CBFA2T2: variants seen among roughly 807,000 people sequenced by gnomAD.
The protein encoded by CBFA2T2 is CBFA2/RUNX1 partner transcriptional co-repressor 2.
In CBFA2T2, 11 loss-of-function variants were observed where a neutral mutation model predicts 62.2. That is an observed-to-expected ratio of 0.18 (90% CI 0.11 to 0.29). The LOEUF (loss-of-function observed/expected upper bound fraction) is 0.29. Ranked by LOEUF, CBFA2T2 falls within the 10% of genes least tolerant of loss-of-function variation. The pLI, the probability that CBFA2T2 is intolerant of heterozygous loss-of-function variation, is 1.00. For synonymous variants in CBFA2T2, 295 were observed against 287.5 expected (o/e 1.03, Z -0.27); for missense variants, 592 against 774.1 (o/e 0.76, Z 2.79).
At chr20:33,558,965 C>T (rs529419615) in intron 1 of CBFA2T2, among the ~76,000 whole-genome samples, 48 of 152,056 alleles carry the variant, frequency 3.2e-4, no homozygotes, top group African/African-American at 1.1e-3. Flanking sequence ...CAACACTTTT[C>T]TCCAACTATT....
At chr20:33,531,885 AAAAAG>A (rs1412688157) in intron 1 of CBFA2T2, among the ~76,000 whole-genome samples, 8 of 152,240 alleles carry the variant, frequency 5.3e-5, no homozygotes, top group African/African-American at 1.9e-4. Context: ...AGTTAAAAGG[AAAAAG>A]AAAAGTTCAA....
At chr20:33,556,607 T>A (rs949927754) in intron 1 of CBFA2T2, among the ~76,000 whole-genome samples, 1 of 151,558 alleles carries the variant, frequency 6.6e-6, no homozygotes, top group African/African-American at 2.4e-5. Context: ...TAATTTTTAA[T>A]TTTTTTTTGT....
chr20:33,497,267 C>A (rs2011209973), intron 1 of CBFA2T2, among the ~76,000 whole-genome samples: 1 of 99,440 alleles, frequency 1.0e-5, no homozygotes, highest in Middle Eastern at 8.3e-3. Flanking sequence ...GAGCGAAACC[C>A]TGTCTCCAAA....
chr20:33,529,785 C>CTT lies in CBFA2T2; in HGVS notation c.34+39496_34+39497dup, dbSNP rs202192301. 6.8e-4 allele frequency among the ~76,000 whole-genome samples: 52 copies of CTT among 76,506 alleles called. No homozygotes were observed. In the South Asian group the frequency reaches 7.8e-3, roughly 12 times the overall value. The allele number at this position is 76,506 out of a possible 152,430, so 50.2% of individuals were successfully genotyped here. On this transcript the variant is annotated intron_variant, in intron 1 of 10. Transcript: ENST00000342704. ...TATATATATATATATATATATATTTCTTTTTTTTTTTTTAATGAGATGGAG... is the reference window on the plus strand; with the variant it reads ...TATATATATATATATATATATATTTCTTTTTTTTTTTTTTTAATGAGATGGAG...
At chr20:33,642,119 TGTGTGTGTGTGTG>T (rs2016878592) in intron 10 of CBFA2T2, among the ~76,000 whole-genome samples, 2 of 28,856 alleles carry the variant, frequency 6.9e-5, no homozygotes, top group African/African-American at 1.6e-4. Flanking sequence ...TTTTTTTTTG[TGTGTGTGTGTGTG>T]TGTGTGTGTG....
intron 1 of CBFA2T2, among the ~76,000 whole-genome samples, chr20:33,601,327 C>T (rs913067438): frequency 3.9e-5 from 6 of 152,024 alleles, no homozygotes; most frequent in Non-Finnish European, 4.4e-5. Flanking sequence ...TGCAGTGGTG[C>T]GGTCTTGGCT....
At chr20:33,592,428 T>TTATATATATAATTATGTAAAAATTA (rs564676342) in intron 1 of CBFA2T2, among the ~76,000 whole-genome samples, 7 of 127,812 alleles carry the variant, frequency 5.5e-5, no homozygotes, top group African/African-American at 1.9e-4. Flanking sequence ...TATGTAAAAA[T>TTATATATATAATTATGTAAAAATTA]TATATATAAT....
chr20:33,599,855 A>C (rs1316656140), intron 1 of CBFA2T2, among the ~76,000 whole-genome samples: 3 of 152,216 alleles, frequency 2.0e-5, no homozygotes, highest in Non-Finnish European at 2.9e-5. Flanking sequence ...CAACCTCCCA[A>C]AGTGCTGGGA....
At chr20:33,500,751 A>G (rs2011265547) in intron 1 of CBFA2T2, among the ~76,000 whole-genome samples, 1 of 152,100 alleles carries the variant, frequency 6.6e-6, no homozygotes, top group Non-Finnish European at 1.5e-5. Context: ...AAGTCCAAAT[A>G]ATTGGGGTAT....
intron 1 of CBFA2T2, among the ~76,000 whole-genome samples, chr20:33,599,273 A>AC (rs1177146478): frequency 6.6e-6 from 1 of 152,126 alleles, no homozygotes; most frequent in Non-Finnish European, 1.5e-5. Context: ...AGAAAAAAAA[A>AC]ACCTGTGGCC....
rs1192782723 is a variant in CBFA2T2, at chr20:33,616,134, TGAC to T, written c.421-3382_421-3380del. On this transcript the variant is annotated intron_variant, in intron 3 of 10. Transcript: ENST00000342704. ...ATAGATAGATAGATAGATAGATAGATGACAGAGCAATACTCTGTAGATAGATAT... is the reference window on the plus strand; with the variant it reads ...ATAGATAGATAGATAGATAGATAGATAGAGCAATACTCTGTAGATAGATAT... Among the ~76,000 whole-genome samples, 4 of 150,494 alleles carry T rather than the reference TGAC, an allele frequency of 2.7e-5. No individual in the cohort carries two copies. The Admixed American group carries it at 2.7e-4, about 10-fold the overall frequency.
At chr20:33,605,214 T>G (rs2015293454) in intron 1 of CBFA2T2, among the ~76,000 whole-genome samples, 1 of 152,234 alleles carries the variant, frequency 6.6e-6, no homozygotes, top group African/African-American at 2.4e-5. Flanking sequence ...ATGTTCCTTG[T>G]TGCCAGGATC....
chr20:33,508,495 A>G (rs564976677), intron 1 of CBFA2T2, among the ~76,000 whole-genome samples: 4 of 152,172 alleles, frequency 2.6e-5, no homozygotes, highest in East Asian at 3.9e-4. Flanking sequence ...AACTTGTGTC[A>G]TGGGCGTTTG....
intron 1 of CBFA2T2, among the ~76,000 whole-genome samples, chr20:33,506,603 C>G (rs989806768): frequency 2.6e-5 from 4 of 152,226 alleles, no homozygotes; most frequent in African/African-American, 9.6e-5. Context: ...TTGGATAGCT[C>G]TTGTAATAAA....
intron 1 of CBFA2T2, among the ~76,000 whole-genome samples, chr20:33,586,966 G>A (rs924000933): frequency 2.0e-5 from 3 of 151,990 alleles, no homozygotes; most frequent in Non-Finnish European, 4.4e-5. Flanking sequence ...TTTTGAGTTA[G>A]GGTCTTACTC....
intron 1 of CBFA2T2, among the ~76,000 whole-genome samples, chr20:33,566,536 G>A (rs533139065): frequency 7.1e-4 from 108 of 152,134 alleles, no homozygotes; most frequent in African/African-American, 2.5e-3. Context: ...AACCTGGGAG[G>A]CGGAAGTTGC....
intron 1 of CBFA2T2, among the ~76,000 whole-genome samples, chr20:33,522,118 A>G (rs1391876179): frequency 6.6e-6 from 1 of 151,702 alleles, no homozygotes; most frequent in African/African-American, 2.4e-5. Flanking sequence ...TGAAATAGAG[A>G]CTCCAGGGTC....
chr20:33,525,232 C>T (rs1385204951), intron 1 of CBFA2T2, among the ~76,000 whole-genome samples: 1 of 150,536 alleles, frequency 6.6e-6, no homozygotes, highest in Non-Finnish European at 1.5e-5. Context: ...GTTGCCCAGG[C>T]TGGAGTGCAA....
At chr20:33,526,881 C>G (rs1439984599) in intron 1 of CBFA2T2, among the ~76,000 whole-genome samples, 1 of 152,168 alleles carries the variant, frequency 6.6e-6, no homozygotes, top group African/African-American at 2.4e-5. Flanking sequence ...TCTTACTCAC[C>G]TGGCTTGCAT....
Sources: allele counts gnomAD v4.1 joint callset (sites outside exome capture counted in the v4.1 genomes callset), GRCh38; gene constraint gnomAD v4.1.1; transcripts MANE v1.5; gene names NCBI Gene and HGNC (gene_info 2026-07-23, HGNC 2026-07-21).